The following LMF1 variants were observed in gnomAD, a reference collection of about 807,000 sequenced individuals.
The protein encoded by LMF1 is transmembrane protein 112.
Under a neutral mutation model 60.6 loss-of-function variants are expected in LMF1, and 68 were observed. The observed-to-expected ratio is 1.12, with a 90% CI of 0.92 to 1.37. The LOEUF (loss-of-function observed/expected upper bound fraction) is 1.37, where lower values mean the gene tolerates loss of function less well. Among genes scored for constraint, LMF1 ranks in the 40% most tolerant of loss-of-function variants. The pLI is 0.00. For missense variants in LMF1, 948 were observed against 767.2 expected, an observed-to-expected ratio of 1.24 and a Z score of -2.78; for synonymous variants, 418 against 324.7, an observed-to-expected ratio of 1.29 and a Z score of -3.09.
intron 1 of LMF1, among the ~76,000 whole-genome samples, chr16:965,413 CCAAGGCCACTA>C (rs1202288168): frequency 1.3e-5 from 2 of 152,118 alleles, no homozygotes; most frequent in Non-Finnish European, 2.9e-5. Flanking sequence ...GAAGAGCTCA[CCAAGGCCACTA>C]CAAGAGAGCA....
Position 871,245 on chromosome 16 carries a change from A to G in LMF1, c.994T>C (p.Phe332Leu), listed in dbSNP as rs2069781512. The G allele has an allele frequency of 6.2e-7, 1 of 1,612,272 alleles. No homozygotes were observed. The highest frequency in any genetic ancestry group is 1.3e-5 in the African/African-American group (1 of 74,940). ...CFDDATLGFL[F>L]PSGPGSLKDR... ...TTCAGGCTGCCTGGCCCAGAGGGGA[A>G]CAAGAATCCCAGGGTGGCGTCATCA... Residue 332 changes from phenylalanine (F) to leucine (L), a missense_variant, in exon 7 of 11, where the codon TTC (phenylalanine) becomes CTC (leucine). Physicochemically the swap from Phe to Leu is conservative, Grantham distance 22. Transcript: ENST00000262301.
At chr16:894,684 GGCAGCC>G (rs1180930367) in intron 4 of LMF1, among the ~76,000 whole-genome samples, 1 of 152,232 alleles carries the variant, frequency 6.6e-6, no homozygotes, top group Middle Eastern at 3.2e-3. Context: ...TGGGCTCTGG[GGCAGCC>G]GCACTGGGCT....
intron 2 of LMF1, among the ~76,000 whole-genome samples, chr16:947,917 CAG>C (rs1361286240): frequency 9.4e-5 from 14 of 148,664 alleles, no homozygotes; most frequent in East Asian, 2.0e-4. Context: ...CAGCCAACGA[CAG>C]AGTCAGCCAA....
intron 2 of LMF1, among the ~76,000 whole-genome samples, chr16:935,661 CT>C (rs1396697696): frequency 1.2e-4 from 18 of 152,052 alleles, no homozygotes; most frequent in Middle Eastern, 3.4e-3. Context: ...TGTGGACAAG[CT>C]TGCTTTAAAT....
intron 4 of LMF1, among the ~76,000 whole-genome samples, chr16:909,903 G>A (rs1422073590): frequency 3.9e-5 from 6 of 152,278 alleles, no homozygotes; most frequent in Non-Finnish European, 5.9e-5. Flanking sequence ...GCGTGAGCGC[G>A]CTGTCGGGTG....
intron 10 of LMF1, among the ~76,000 whole-genome samples, chr16:864,414 C>T (rs899094121): frequency 2.6e-5 from 4 of 152,230 alleles, no homozygotes; most frequent in African/African-American, 7.2e-5. Flanking sequence ...GACAACTATC[C>T]TGTTTTCACT....
intron 10 of LMF1, chr16:856,019 C>A: frequency 2.2e-6 from 1 of 454,304 alleles, no homozygotes; most frequent in Non-Finnish European, 4.4e-6. Context: ...ACCGGGAAGA[C>A]AGAGACCCTC....
rs77648103 is a variant in LMF1 at position 863,710 on chromosome 16, G to T, written c.1529+5234C>A. Reference sequence around the variant, plus strand: ...TTCCTGTGCTGCCTGATGCCAAGAGGCTGGCGTTAACGTCCTGGGTTCACA... The same window carrying T: ...TTCCTGTGCTGCCTGATGCCAAGAGTCTGGCGTTAACGTCCTGGGTTCACA... On this transcript the variant is annotated intron_variant, in intron 10 of 10. Transcript: ENST00000262301. Among the ~76,000 whole-genome samples the T allele has an allele frequency of 3.3e-3, 495 of 152,264 alleles. 2 individuals carry two copies. Among genetic ancestry groups the T allele is most frequent in the African/African-American group, 0.011 (458 of 41,532 alleles).
intron 1 of LMF1, 111 bp downstream of exon 1, chr16:970,677 G>C (rs1369522188): frequency 9.9e-7 from 1 of 1,005,334 alleles, no homozygotes; most frequent in African/African-American, 1.7e-5. Flanking sequence ...AAGGAGGGCT[G>C]CGTGGGGGCG....
At chr16:975,078 G>A (rs1311692658), upstream of LMF1, among the ~76,000 whole-genome samples, 2 of 152,152 alleles carry the variant, frequency 1.3e-5, no homozygotes, top group African/African-American at 4.8e-5. Flanking sequence ...CAGGTGTTGT[G>A]CCATTTGCTG....
At chr16:911,271 G>A (rs2071105452) in intron 3 of LMF1, among the ~76,000 whole-genome samples, 192 bp from the exon 4 acceptor site, 2 of 152,098 alleles carry the variant, frequency 1.3e-5, no homozygotes, top group South Asian at 2.1e-4. Flanking sequence ...GGGAGCTCTG[G>A]CGTGGGACCC....
rs751850609 is a variant in LMF1 at position 970,954 on chromosome 16, C to T, written c.27G>A (p.Ala9=). The change falls in exon 1 of 11, where the codon GCG becomes GCA. Residue 9 remains alanine (A), a synonymous_variant. Coordinates refer to ENST00000262301, the MANE Select transcript of LMF1 (RefSeq NM_022773.4). Reference sequence around the variant, plus strand: ...GCCTCCTCAGCGACTCCGCGGGCGCCGCCATTGTTGGGCTGTCAGGGCGCA... The same window carrying T: ...GCCTCCTCAGCGACTCCGCGGGCGCTGCCATTGTTGGGCTGTCAGGGCGCA... MRPDSPTM[A]APAESLRRRK... is the part of the protein sequence containing the mutation. 3 of 1,537,744 alleles carry T rather than the reference C, an allele frequency of 2.0e-6. No homozygotes were observed. The highest frequency in any genetic ancestry group is 1.2e-5 in the South Asian group (1 of 83,924).
At chr16:899,245 G>A (rs150232071) in intron 4 of LMF1, 1,903 of 152,370 alleles carry the variant, frequency 0.012, 21 homozygotes, top group Middle Eastern at 0.02. Context: ...CAGGGACTCC[G>A]GTCTGGGCCT....
intron 1 of LMF1, among the ~76,000 whole-genome samples, chr16:959,666 C>T (rs555906004): frequency 5.3e-5 from 8 of 152,296 alleles, no homozygotes; most frequent in African/African-American, 1.9e-4. Flanking sequence ...GTGGAGACCG[C>T]AAGGCCAGAA....
At chr16:914,640 C>T (rs997883317) in intron 3 of LMF1, among the ~76,000 whole-genome samples, 1 of 152,180 alleles carries the variant, frequency 6.6e-6, no homozygotes. Flanking sequence ...TGACACACTC[C>T]CTCCCTCCTC....
chr16:956,295 GCTCT>G (rs1364009287), intron 1 of LMF1, among the ~76,000 whole-genome samples: 4 of 151,644 alleles, frequency 2.6e-5, no homozygotes, highest in Admixed American at 6.6e-5. Flanking sequence ...ACCCACAACA[GCTCT>G]CTCACATCCT....
chr16:885,222 C>T (rs1373048993), intron 5 of LMF1: 1 of 152,094 alleles, frequency 6.6e-6, no homozygotes, highest in Non-Finnish European at 1.5e-5. Context: ...CTAAAACCAC[C>T]ACACAAATAA....
At chr16:919,523 G>A (rs1007657047) in intron 3 of LMF1, among the ~76,000 whole-genome samples, 1 of 152,224 alleles carries the variant, frequency 6.6e-6, no homozygotes, top group Non-Finnish European at 1.5e-5. Flanking sequence ...CCACAGACAA[G>A]GGGCCCGGAG....
intron 9 of LMF1, chr16:869,578 C>T: frequency 1.6e-6 from 1 of 622,006 alleles, no homozygotes; most frequent in South Asian, 1.5e-5. Flanking sequence ...CCCTCAGCTG[C>T]TGGCTAACTT....
Sources: gnomAD v4.1 joint callset for allele counts (sites outside exome capture counted in the v4.1 genomes callset) on GRCh38, gnomAD v4.1.1 for gene constraint, MANE v1.5 for transcripts, NCBI Gene and HGNC (gene_info 2026-07-23, HGNC 2026-07-21) for gene names.